KTN1: variants seen among roughly 807,000 people sequenced by gnomAD.
KTN1 encodes the protein kinectin.
In KTN1, 130 loss-of-function variants were observed where a neutral mutation model predicts 222.5. The ratio of observed to expected loss-of-function variants is 0.58; its 90% CI spans 0.51 to 0.68. The LOEUF is 0.68. Ranked by LOEUF, KTN1 falls within the 30% of genes least tolerant of loss-of-function variation. KTN1 has a pLI of 0.00. For synonymous variants in KTN1, 512 were observed against 496.3 expected (o/e 1.03, Z -0.42); for missense variants, 1,508 against 1,500.4 (o/e 1.01, Z -0.08).
intron 24 of KTN1, among the ~76,000 whole-genome samples, 195 bp downstream of exon 24, chr14:55,650,832 C>T (rs1334519781): frequency 6.6e-6 from 1 of 152,002 alleles, no homozygotes; most frequent in Non-Finnish European, 1.5e-5. Flanking sequence ...AAAATTTTAA[C>T]TGTTAATGGT....
At chr14:55,656,217 T>G (rs1046550340) in intron 29 of KTN1, 85 bp downstream of exon 29, 3 of 902,258 alleles carry the variant, frequency 3.3e-6, no homozygotes, top group Non-Finnish European at 3.5e-6. Context: ...TGCCAAAAAA[T>G]AGAGTACAGA....
rs747116814 is a variant in KTN1 at position 55,678,393 on chromosome 14, A to C, written c.3897A>C (p.Lys1299Asn). The change falls in exon 42 of 44, where the codon AAA becomes AAC. Residue 1299 changes from lysine to asparagine, a missense_variant. Physicochemically the swap from Lys to Asn is moderately conservative, Grantham distance 94. Transcript: ENST00000395314. ...AGCTTATCCAGTCAAAAATAGTAAA[A>C]GCTGCTGGAGACACTACTGTTATTG... ...SLELIQSKIV[K>N]AAGDTTVIEN... 1.9e-6 allele frequency: 3 copies of C among 1,613,048 alleles called. No individual in the cohort carries two copies. Among genetic ancestry groups the C allele is most frequent in the African/African-American group, 2.7e-5 (2 of 75,020 alleles).
At chr14:55,592,401 G>A (rs1009165374) in intron 1 of KTN1, among the ~76,000 whole-genome samples, 5 of 152,178 alleles carry the variant, frequency 3.3e-5, no homozygotes, top group Non-Finnish European at 7.3e-5. Flanking sequence ...TTCGAGGATT[G>A]CATCTACAAC....
At chr14:55,614,963 T>G (rs1009004161) in intron 2 of KTN1, among the ~76,000 whole-genome samples, 1 of 152,074 alleles carries the variant, frequency 6.6e-6, no homozygotes, top group African/African-American at 2.4e-5. Flanking sequence ...GGTATGTAAA[T>G]GTAGAAAAGT....
intron 1 of KTN1, among the ~76,000 whole-genome samples, chr14:55,596,054 C>CTGAA (rs2034968875): frequency 6.8e-6 from 1 of 146,706 alleles, no homozygotes; most frequent in Non-Finnish European, 1.5e-5. Context: ...ACTCAGGAGG[C>CTGAA]TGAAGCAGGA....
intron 7 of KTN1, among the ~76,000 whole-genome samples, chr14:55,631,619 A>G (rs1473895230): frequency 1.3e-5 from 2 of 151,860 alleles, no homozygotes; most frequent in Non-Finnish European, 2.9e-5. Context: ...CCCATTCTAT[A>G]AAAAAATTAA....
chr14:55,601,829 T>C (rs976186636), intron 1 of KTN1: 1 of 152,170 alleles, frequency 6.6e-6, no homozygotes, highest in Non-Finnish European at 1.5e-5. Flanking sequence ...CTTTGCCTCC[T>C]GGGTTCAAGT....
chr14:55,676,917 T>C (rs1246869160), intron 41 of KTN1, among the ~76,000 whole-genome samples: 1 of 152,182 alleles, frequency 6.6e-6, no homozygotes, highest in Non-Finnish European at 1.5e-5. Flanking sequence ...ACTGTTGTGG[T>C]TGAGCAGTCA....
intron 18 of KTN1, among the ~76,000 whole-genome samples, chr14:55,642,686 AT>A (rs2041920055): frequency 6.6e-6 from 1 of 152,208 alleles, no homozygotes; most frequent in African/African-American, 2.4e-5. Context: ...ATTCACATTT[AT>A]GCAGATATTG....
chr14:55,660,878 A>T (rs376238201), intron 31 of KTN1, among the ~76,000 whole-genome samples: 1 of 152,194 alleles, frequency 6.6e-6, no homozygotes. Flanking sequence ...CCATAGCCCT[A>T]GTTTGCCAGC....
At chr14:55,635,468 C>G (rs1394522854) in intron 9 of KTN1, among the ~76,000 whole-genome samples, 1 of 152,142 alleles carries the variant, frequency 6.6e-6, no homozygotes, top group East Asian at 1.9e-4. Flanking sequence ...CAGCACAAGA[C>G]TAAGTAGTGT....
At chr14:55,631,343 T>TTG (rs72187127) in intron 7 of KTN1, among the ~76,000 whole-genome samples, 166 of 98,952 alleles carry the variant, frequency 1.7e-3, no homozygotes, top group South Asian at 2.8e-3. Context: ...ATAAGGTTGA[T>TTG]ATATATATAT....
intron 4 of KTN1, among the ~76,000 whole-genome samples, chr14:55,618,599 C>T (rs766964315): frequency 4.2e-4 from 64 of 152,186 alleles, no homozygotes; most frequent in Non-Finnish European, 4.7e-4. Context: ...GGTGGCAGCT[C>T]TTTTTAAGAA....
At chr14:55,580,507 T>G (rs1399245185) in intron 1 of KTN1, among the ~76,000 whole-genome samples, 153 bp downstream of exon 1, 1 of 148,670 alleles carries the variant, frequency 6.7e-6, no homozygotes, top group African/African-American at 2.4e-5. Context: ...TGGGTAGGCC[T>G]CGGGCATCCG....
chr14:55,636,681 T>C (rs2041162478), intron 10 of KTN1, 145 bp downstream of exon 10: 1 of 601,648 alleles, frequency 1.7e-6, no homozygotes, highest in Non-Finnish European at 2.9e-6. Flanking sequence ...TATCTTTCTT[T>C]CTTTGACATT....
In KTN1 at chr14:55,667,339, AATTT is replaced by A. The variant is rs1566836440; in HGVS notation, c.3267+13_3267+16del. On this transcript the variant is annotated intron_variant, in intron 34 of 43. Transcript: ENST00000395314. ...CTGTCCCTTCTAATTTGGTAAGACT[AATTT>A]ATTATTTTTTTAACATGATGACATT... 41 of 1,477,484 alleles carry A rather than the reference AATTT, an allele frequency of 2.8e-5. No individual in the cohort carries two copies. Among genetic ancestry groups the A allele is most frequent in the Non-Finnish European group, 3.7e-5 (40 of 1,071,556 alleles). The allele number at this position is 1,477,484 out of a possible 1,614,324, so 91.5% of individuals were successfully genotyped here.
chr14:55,596,325 T>C (rs2140415466), intron 1 of KTN1, among the ~76,000 whole-genome samples: 1 of 152,310 alleles, frequency 6.6e-6, no homozygotes, highest in East Asian at 1.9e-4. Flanking sequence ...TAGCTTTTAC[T>C]TTTTTCCCCC....
At chr14:55,661,733 C>T in intron 32 of KTN1, 121 bp downstream of exon 32, 1 of 508,196 alleles carries the variant, frequency 2.0e-6, no homozygotes, top group Non-Finnish European at 3.5e-6. Context: ...TAAGAAAGTA[C>T]TATTTTCTGT....
intron 5 of KTN1, among the ~76,000 whole-genome samples, chr14:55,626,853 A>G (rs1367703784): frequency 4.7e-5 from 7 of 149,526 alleles, no homozygotes; most frequent in Non-Finnish European, 8.9e-5. Context: ...GAGATGTGGG[A>G]TTTTATCTGC....
Sources: gnomAD v4.1 joint callset for allele counts (sites outside exome capture counted in the v4.1 genomes callset) on GRCh38, gnomAD v4.1.1 for gene constraint, MANE v1.5 for transcripts, NCBI Gene and HGNC (gene_info 2026-07-23, HGNC 2026-07-21) for gene names.